Variants in ZNF878 observed in about 807,000 individuals in gnomAD.
ZNF878 encodes the protein zinc finger protein 878.
In ZNF878, 10 loss-of-function variants were observed where a neutral mutation model predicts 11.1. The ratio of observed to expected loss-of-function variants is 0.90; its 90% CI spans 0.56 to 1.53. ZNF878 has a LOEUF of 1.53. Ranked by LOEUF, ZNF878 falls within the 40% of genes most tolerant of loss-of-function variation. ZNF878 has a pLI of 0.00. For synonymous variants in ZNF878, 165 were observed against 209.7 expected (o/e 0.79, Z 1.84); for missense variants, 548 against 626.1 (o/e 0.88, Z 1.33).
chr19:12,049,449 A>G (rs1466686836), intron 1 of ZNF878, among the ~76,000 whole-genome samples: 1 of 57,956 alleles, frequency 1.7e-5, no homozygotes, highest in Non-Finnish European at 3.4e-5. Context: ...CGACAGAGCG[A>G]GACTCCCTCT....
intron 1 of ZNF878, among the ~76,000 whole-genome samples, chr19:12,052,362 G>A (rs1975559933): frequency 6.6e-6 from 1 of 152,054 alleles, no homozygotes; most frequent in Non-Finnish European, 1.5e-5. Context: ...ATTAATCGCT[G>A]TTTGCTAAAA....
chr19:12,043,813 CG>C lies in ZNF878; in HGVS notation c.1587del (p.His529GlnfsTer?). 6.3e-7 allele frequency: 1 copy of C among 1,598,254 alleles called. No individual in the cohort carries two copies. The highest frequency in any genetic ancestry group is 8.5e-7 in the Non-Finnish European group (1 of 1,174,148). ...ASILQKHVRT[H>X]AG is the part of the protein sequence containing the mutation. ...TTACATCCATAGAGTTTCTAGCCAG[CG>C]TGAGTCCTTACATGCTTTTGAAGGA... is the stretch of plus-strand genomic sequence containing the variant. On this transcript the variant is annotated frameshift_variant, in exon 4 of 4. Transcript: ENST00000547628. LOFTEE classifies it high-confidence loss of function.
chr19:12,044,234 G>T lies in ZNF878; in HGVS notation c.1167C>A (p.His389Gln). The T allele has an allele frequency of 6.2e-7, 1 of 1,614,084 alleles. No homozygotes were observed. Among genetic ancestry groups the T allele is most frequent in the Non-Finnish European group, 8.5e-7 (1 of 1,180,010 alleles). ...TACACTCATAGGGTTTCTCTCCAGT[G>T]TGAGTCCTTTCATGATAGTGAAAGG... ...SNSFHYHERT[H>Q]TGEKPYECKQ... Residue 389 changes from histidine (H) to glutamine (Q), a missense_variant, in exon 4 of 4, where the codon CAC becomes CAA. By Grantham distance (24) the His-to-Gln change is conservative. Transcript: ENST00000547628.
rs767039414 is a variant in ZNF878, at chr19:12,046,588, C to T, written c.130+46G>A. On this transcript the variant is annotated intron_variant, in intron 2 of 3. Coordinates refer to ENST00000547628, the MANE Select transcript of ZNF878 (RefSeq NM_001080404.3). ...CTCAACAGCACTGATGAGCTAGAAA[C>T]ACCTGTTCTTTAATTCACTGAGGGA... 4 of 1,612,900 alleles carry T rather than the reference C, an allele frequency of 2.5e-6. No individual in the cohort carries two copies. The East Asian group carries it at 8.9e-5, about 36-fold the overall frequency.
chr19:12,046,789 ATGAG>A (rs1343597373), intron 1 of ZNF878, 29 bp from the exon 2 acceptor site: 1 of 1,612,978 alleles, frequency 6.2e-7, no homozygotes, highest in Admixed American at 1.7e-5. Flanking sequence ...GGACAGGAGG[ATGAG>A]TGAGGCTGAC....
intron 3 of ZNF878, chr19:12,046,124 G>A (rs528130526): frequency 7.8e-4 from 342 of 437,004 alleles, no homozygotes; most frequent in Non-Finnish European, 1.1e-3. Context: ...CTGCCCTCCA[G>A]TGATGCCATC....
chr19:12,049,601 C>T (rs1975531606), intron 1 of ZNF878, among the ~76,000 whole-genome samples: 1 of 151,128 alleles, frequency 6.6e-6, no homozygotes, highest in South Asian at 2.1e-4. Context: ...GAAACCCCAT[C>T]TCTACTAAAA....
chr19:12,047,984 A>G (rs778078225), intron 1 of ZNF878, among the ~76,000 whole-genome samples: 18 of 152,188 alleles, frequency 1.2e-4, no homozygotes, highest in Non-Finnish European at 2.5e-4. Flanking sequence ...GGCAAAGAAA[A>G]CCAACCATGA....
chr19:12,044,720 A>G lies in ZNF878; in HGVS notation c.681T>C (p.His227=). The G allele has an allele frequency of 6.2e-7, 1 of 1,614,180 alleles. No individual in the cohort carries two copies. The highest frequency in any genetic ancestry group is 2.2e-5 in the East Asian group (1 of 44,880). The change falls in exon 4 of 4, where the codon CAT becomes CAC. Residue 227 remains histidine (H), a synonymous_variant. Coordinates refer to ENST00000547628, the MANE Select transcript of ZNF878 (RefSeq NM_001080404.3). ...AGGCTTTCCCACATATGTTACATTT[A>G]TGAGGTCTCTCTCCAGTGTGCATTC... The part of the protein sequence containing the change: ...HMRMHTGERP[H]KCNICGKAFF...
chr19:12,046,372 G>A lies in ZNF878; in HGVS notation c.187C>T (p.Leu63=). ...EDEHQNPRRN[L]RRLIGERLSE... is the part of the protein sequence containing the mutation. ...TCTCTTTTAAGTGCCAGTTACCTTA[G>A]GTTTCTCCTAGGATTTTGGTGCTCA... is the stretch of plus-strand genomic sequence containing the variant. The change falls in exon 3 of 4, where the codon CTA becomes TTA. Residue 63 remains leucine (L), a synonymous_variant. Transcript: ENST00000547628. 1 of 1,568,472 alleles carries A rather than the reference G, an allele frequency of 6.4e-7. No homozygotes were observed. Among genetic ancestry groups the A allele is most frequent in the South Asian group, 1.2e-5 (1 of 85,060 alleles).
Position 12,046,733 on chromosome 19 carries a change from C to G in ZNF878, c.31G>C (p.Val11Leu), listed in dbSNP as rs889421418. 2.9e-5 allele frequency: 47 copies of G among 1,613,964 alleles called. No homozygotes were observed. Among genetic ancestry groups the G allele is most frequent in the Non-Finnish European group, 3.7e-5 (44 of 1,179,992 alleles). Residue 11 changes from valine to leucine, a missense_variant, in exon 2 of 4, where the codon GTG (valine) becomes CTG (leucine). Physicochemically the swap from Val to Leu is conservative, Grantham distance 32 (BLOSUM62 1). Coordinates refer to ENST00000547628, the MANE Select transcript of ZNF878 (RefSeq NM_001080404.3). ...GCCCACTCCTCCTGGGTGAAGTTCA[C>G]AGCCACATCCTCAAAGGCCACCGAA... MDSVAFEDVA[V>L]NFTQEEWALL...
intron 1 of ZNF878, among the ~76,000 whole-genome samples, chr19:12,048,937 G>A (rs569544215): frequency 6.6e-6 from 1 of 151,812 alleles, no homozygotes; most frequent in South Asian, 2.1e-4. Context: ...AAAGTCAGGA[G>A]TTTGAGACCA....
At chr19:12,050,461 G>A (rs764457855) in intron 1 of ZNF878, among the ~76,000 whole-genome samples, 1 of 152,154 alleles carries the variant, frequency 6.6e-6, no homozygotes, top group Non-Finnish European at 1.5e-5. Context: ...CACCTGTACA[G>A]AATGTGAAAA....
intron 1 of ZNF878, among the ~76,000 whole-genome samples, chr19:12,048,632 G>C (rs541259875): frequency 6.6e-6 from 1 of 151,630 alleles, no homozygotes; most frequent in Non-Finnish European, 1.5e-5. Flanking sequence ...TCAGGAGTTC[G>C]AGACCAGCCT....
In ZNF878 at chr19:12,044,885, T is replaced by A; in HGVS notation, c.516A>T (p.Glu172Asp). 1 of 1,614,154 alleles carries A rather than the reference T, an allele frequency of 6.2e-7. No individual in the cohort carries two copies. The highest frequency in any genetic ancestry group is 8.5e-7 in the Non-Finnish European group (1 of 1,180,030). The change falls in exon 4 of 4, where the codon GAA (glutamate) becomes GAT (aspartate). Residue 172 changes from glutamate to aspartate, a missense_variant. By Grantham distance (45) the Glu-to-Asp change is conservative. Transcript: ENST00000547628. ...ERIHSAKKPYECKQCGKAFSF... is the reference protein window; with the variant it reads ...ERIHSAKKPYDCKQCGKAFSF... ...TGAATGCTTTCCCACACTGCTTACA[T>A]TCATAGGGTTTTTTTGCAGAGTGGA... is the stretch of plus-strand genomic sequence containing the variant.
intron 3 of ZNF878, 52 bp downstream of exon 3, chr19:12,046,316 C>T: frequency 7.7e-7 from 1 of 1,296,584 alleles, no homozygotes; most frequent in East Asian, 2.5e-5. Context: ...CCTTTTCTTC[C>T]ATTCTAAGAT....
Position 12,052,867 on chromosome 19 carries a change from A to G in ZNF878, c.-66T>C. ...CCGTGAACAGTGCAGGTCACAGCGCAGTCGACAGAGCAACAGCAGCTACGG... is the reference window on the plus strand; with the variant it reads ...CCGTGAACAGTGCAGGTCACAGCGCGGTCGACAGAGCAACAGCAGCTACGG... On this transcript the variant is annotated 5_prime_UTR_variant, in exon 1 of 4. Transcript: ENST00000547628. The G allele has an allele frequency of 6.5e-7, 1 of 1,532,430 alleles. No homozygotes were observed. Among genetic ancestry groups the G allele is most frequent in the Non-Finnish European group, 8.7e-7 (1 of 1,144,634 alleles). The allele number at this position is 1,532,430 out of a possible 1,614,324, so 94.9% of individuals were successfully genotyped here. A position where few individuals can be genotyped will look rare whatever the true frequency, so the allele number is the denominator to read the frequency against.
Position 12,044,810 on chromosome 19 carries a change from T to A in ZNF878, c.591A>T (p.Lys197Asn). The A allele has an allele frequency of 6.2e-7, 1 of 1,614,088 alleles. No individual in the cohort carries two copies. The change falls in exon 4 of 4, where the codon AAA becomes AAT. Residue 197 changes from lysine (K) to asparagine (N), a missense_variant. This residue lies in a region of ZNF878 where 53 missense variants were observed against 94.6 expected (regional missense o/e 0.56). Coordinates refer to ENST00000547628, the MANE Select transcript of ZNF878 (RefSeq NM_001080404.3). ...RRHERIHSAK[K>N]PYECKQCGKA... ...TCCCACACTGCTTACATTCATAGGG[T>A]TTTTTTGCAGAGTGGATTCTTTCAT...
At chr19:12,052,279 G>C (rs1158075384) in intron 1 of ZNF878, among the ~76,000 whole-genome samples, 1 of 152,182 alleles carries the variant, frequency 6.6e-6, no homozygotes, top group Admixed American at 6.6e-5. Context: ...ATTCGGCTCA[G>C]AATAAACTTA....
Sources: allele counts gnomAD v4.1 joint callset (sites outside exome capture counted in the v4.1 genomes callset), GRCh38; gene constraint gnomAD v4.1.1; regional missense constraint gnomAD v4.1.1; transcripts MANE v1.5; gene names NCBI Gene and HGNC (gene_info 2026-07-23, HGNC 2026-07-21).